The following CNTN5 variants were observed in gnomAD, a reference collection of about 807,000 sequenced individuals.
CNTN5 encodes the protein contactin 5, also known as contactin-5.
CNTN5 carries 77 observed loss-of-function variants against 129.1 expected under a neutral mutation model. The ratio of observed to expected loss-of-function variants is 0.60; its 90% CI spans 0.50 to 0.72. The LOEUF is 0.72. Among genes scored for constraint, CNTN5 ranks in the 30% least tolerant of loss-of-function variants. The probability of loss-of-function intolerance (pLI) is 0.00; values close to 1 mark genes in which losing one functional copy is unlikely to be tolerated. For synonymous variants in CNTN5, 509 were observed against 465.6 expected, an observed-to-expected ratio of 1.09 and a Z score of -1.20; for missense variants, 1,478 against 1,328.8, an observed-to-expected ratio of 1.11 and a Z score of -1.75.
intron 18 of CNTN5, among the ~76,000 whole-genome samples, chr11:100,289,313 GAA>G (rs1950889648): frequency 6.6e-6 from 1 of 152,054 alleles, no homozygotes; most frequent in African/African-American, 2.4e-5. Flanking sequence ...CGAACAAAGA[GAA>G]TTTTAGACCA....
chr11:99,208,026 C>G (rs1859570271), intron 1 of CNTN5, among the ~76,000 whole-genome samples: 2 of 152,122 alleles, frequency 1.3e-5, no homozygotes, highest in Admixed American at 1.3e-4. Context: ...AGCTCAATCA[C>G]TTTTTAAAAT....
chr11:100,198,826 G>A (rs1295030087), intron 15 of CNTN5, among the ~76,000 whole-genome samples: 1 of 151,802 alleles, frequency 6.6e-6, no homozygotes, highest in Non-Finnish European at 1.5e-5. Flanking sequence ...GAATTTTTGT[G>A]GAATATTAGG....
intron 1 of CNTN5, among the ~76,000 whole-genome samples, chr11:99,282,284 G>GA (rs1276875115): frequency 2.0e-5 from 3 of 151,954 alleles, no homozygotes; most frequent in African/African-American, 4.8e-5. Context: ...TTATGACAGA[G>GA]AAAAAGAAAT....
intron 13 of CNTN5, among the ~76,000 whole-genome samples, chr11:100,098,143 A>G (rs12276732): frequency 0.044 from 6,637 of 152,108 alleles, 476 homozygotes; most frequent in African/African-American, 0.15. Flanking sequence ...AGAGACTACT[A>G]CAGGACTTTA....
At chr11:99,557,632 G>T (rs886824533) in intron 3 of CNTN5, among the ~76,000 whole-genome samples, 2 of 151,444 alleles carry the variant, frequency 1.3e-5, no homozygotes, top group East Asian at 1.9e-4. Context: ...ATTTTACAAT[G>T]GTTATTCTTT....
intron 3 of CNTN5, among the ~76,000 whole-genome samples, chr11:99,801,688 G>A (rs1457326880): frequency 6.6e-6 from 1 of 152,040 alleles, no homozygotes; most frequent in Non-Finnish European, 1.5e-5. Flanking sequence ...TTTAAGCTGT[G>A]AAATTCTTTC....
chr11:100,043,301 C>T (rs1431156652), intron 9 of CNTN5, among the ~76,000 whole-genome samples: 3 of 152,078 alleles, frequency 2.0e-5, no homozygotes, highest in African/African-American at 4.8e-5. Context: ...TTGGCACTGC[C>T]AGCAGGCTCA....
intron 21 of CNTN5, among the ~76,000 whole-genome samples, chr11:100,335,344 T>G (rs79783583): frequency 0.028 from 4,315 of 152,298 alleles, 188 homozygotes; most frequent in African/African-American, 0.096. Context: ...TAACTTCATG[T>G]AAGGAAACTG....
chr11:100,348,049 GTTT>G (rs201172296), intron 23 of CNTN5, among the ~76,000 whole-genome samples: 1 of 148,558 alleles, frequency 6.7e-6, no homozygotes, highest in Admixed American at 6.8e-5. Flanking sequence ...ACTGCTCTCA[GTTT>G]TTTTTTTAAT....
chr11:99,392,194 G>T (rs1941296966), intron 2 of CNTN5, among the ~76,000 whole-genome samples: 1 of 151,004 alleles, frequency 6.6e-6, no homozygotes, highest in African/African-American at 2.4e-5. Flanking sequence ...GGCAGTATTT[G>T]TACTCAATAA....
At chr11:99,607,566 A>G (rs1950461498) in intron 3 of CNTN5, among the ~76,000 whole-genome samples, 2 of 104,182 alleles carry the variant, frequency 1.9e-5, no homozygotes, top group African/African-American at 6.8e-5. Flanking sequence ...CTAGAACTAG[A>G]AATACCATTT....
At chr11:99,706,682 T>A (rs751511965) in intron 3 of CNTN5, among the ~76,000 whole-genome samples, 1 of 151,492 alleles carries the variant, frequency 6.6e-6, no homozygotes, top group Non-Finnish European at 1.5e-5. Flanking sequence ...TACCTACTAA[T>A]GATGTATCAA....
At chr11:100,097,799 A>G (rs1591238152) in intron 13 of CNTN5, among the ~76,000 whole-genome samples, 1 of 152,136 alleles carries the variant, frequency 6.6e-6, no homozygotes, top group East Asian at 1.9e-4. Flanking sequence ...ATGTTATTAA[A>G]AACAGCTATT....
intron 3 of CNTN5, among the ~76,000 whole-genome samples, chr11:99,592,905 A>G (rs1388448001): frequency 6.6e-6 from 1 of 152,172 alleles, no homozygotes; most frequent in East Asian, 1.9e-4. Context: ...CTTAATTGTC[A>G]GCTTCTGGAT....
intron 13 of CNTN5, among the ~76,000 whole-genome samples, chr11:100,166,995 AAG>A (rs1947658634): frequency 1.3e-5 from 2 of 151,806 alleles, no homozygotes; most frequent in Non-Finnish European, 1.5e-5. Flanking sequence ...GGGGCAGAAG[AAG>A]ACTTAGACCC....
intron 4 of CNTN5, among the ~76,000 whole-genome samples, chr11:99,835,625 G>A (rs530702969): frequency 6.6e-6 from 1 of 152,268 alleles, no homozygotes; most frequent in South Asian, 2.1e-4. Context: ...GGGCCTTCTA[G>A]AAGGGTTAAC....
At chr11:100,257,373 A>T in intron 17 of CNTN5, among the ~76,000 whole-genome samples, 1 of 152,124 alleles carries the variant, frequency 6.6e-6, no homozygotes, top group African/African-American at 2.4e-5. Context: ...ATCAGACTTA[A>T]ACGTTCCCGC....
chr11:100,217,111 A>G (rs998831173), intron 15 of CNTN5, among the ~76,000 whole-genome samples: 7 of 152,196 alleles, frequency 4.6e-5, no homozygotes, highest in Non-Finnish European at 1.0e-4. Context: ...ACTATTACCT[A>G]TTTCAACAAA....
intron 3 of CNTN5, among the ~76,000 whole-genome samples, chr11:99,623,514 C>G (rs75936037): frequency 0.014 from 2,104 of 152,002 alleles, 19 homozygotes; most frequent in Non-Finnish European, 0.022. Flanking sequence ...AAGAAAATTG[C>G]TGATTACATT....
Sources: allele counts gnomAD v4.1 joint callset (sites outside exome capture counted in the v4.1 genomes callset), GRCh38; gene constraint gnomAD v4.1.1; transcripts MANE v1.5; gene names NCBI Gene and HGNC (gene_info 2026-07-23, HGNC 2026-07-21).